EFCAB8: variants seen among roughly 807,000 people sequenced by gnomAD.
EFCAB8 encodes the protein EF-hand calcium-binding domain-containing protein 8.
A neutral mutation model predicts 116.3 loss-of-function variants in EFCAB8; 100 were observed. The observed-to-expected ratio is 0.86, with a 90% confidence interval of 0.73 to 1.02. The LOEUF (loss-of-function observed/expected upper bound fraction) is 1.02, where lower values mean the gene tolerates loss of function less well. Among genes scored for constraint, EFCAB8 ranks in the 50% least tolerant of loss-of-function variants. The probability of loss-of-function intolerance (pLI) is 0.00; values close to 1 mark genes in which losing one functional copy is unlikely to be tolerated. For missense variants in EFCAB8, 1,320 were observed against 1,416.9 expected, an observed-to-expected ratio of 0.93 and a Z score of 1.10; for synonymous variants, 558 against 567.9, an observed-to-expected ratio of 0.98 and a Z score of 0.25.
At chr20:32,901,652 G>A (rs980145353) in intron 11 of EFCAB8, among the ~76,000 whole-genome samples, 26 of 152,214 alleles carry the variant, frequency 1.7e-4, no homozygotes, top group Non-Finnish European at 8.8e-5. Flanking sequence ...GCACAGCTCC[G>A]CTGTCTGTGG....
chr20:32,862,049 T>G (rs1184692092), intron 1 of EFCAB8, among the ~76,000 whole-genome samples: 1 of 152,120 alleles, frequency 6.6e-6, no homozygotes, highest in Admixed American at 6.5e-5. Context: ...CTTGTGTGTT[T>G]CTCCCTCTTT....
chr20:32,959,322 T>A (rs561397801), intron 24 of EFCAB8, among the ~76,000 whole-genome samples: 27 of 151,892 alleles, frequency 1.8e-4, no homozygotes, highest in African/African-American at 6.5e-4. Flanking sequence ...GTAGGAGAGG[T>A]GATTTTGGAG....
At chr20:32,889,227 G>C in intron 6 of EFCAB8, 74 bp from the exon 7 acceptor site, 1 of 1,328,972 alleles carries the variant, frequency 7.5e-7, no homozygotes, top group Non-Finnish European at 1.1e-6. Flanking sequence ...TTGTGTGGCA[G>C]GAGAGGTTCA....
intron 23 of EFCAB8, among the ~76,000 whole-genome samples, chr20:32,947,486 G>A (rs1301257109): frequency 6.6e-6 from 1 of 152,134 alleles, no homozygotes; most frequent in Non-Finnish European, 1.5e-5. Flanking sequence ...AAGGATTTAT[G>A]CCATACAAAG....
At chr20:32,959,690 A>G (rs754024950) in intron 24 of EFCAB8, 88 bp from the exon 25 acceptor site, 2 of 972,642 alleles carry the variant, frequency 2.1e-6, no homozygotes, top group Non-Finnish European at 3.0e-6. Context: ...GGATCAGGCC[A>G]GGAAGGGGAG....
At chr20:32,919,941 G>T in intron 19 of EFCAB8, 137 bp from the exon 20 acceptor site, 1 of 1,138,126 alleles carries the variant, frequency 8.8e-7, no homozygotes, top group South Asian at 1.5e-5. Flanking sequence ...TCCACTGAGC[G>T]CTGCTTTTCC....
intron 9 of EFCAB8, among the ~76,000 whole-genome samples, chr20:32,895,606 C>T (rs1351207958): frequency 1.4e-5 from 2 of 142,670 alleles, no homozygotes; most frequent in African/African-American, 2.6e-5. Flanking sequence ...GAGTCTTGCT[C>T]TATTGCCCAG....
intron 5 of EFCAB8, among the ~76,000 whole-genome samples, chr20:32,883,081 T>C (rs746415220): frequency 1.1e-3 from 161 of 152,320 alleles, no homozygotes; most frequent in Middle Eastern, 3.4e-3. Context: ...TCCACCTGCC[T>C]TGGCCTCCCA....
In EFCAB8 at chr20:32,909,873, A is replaced by G; in HGVS notation, c.1499A>G (p.Lys500Arg). Reference sequence around the variant, plus strand: ...GCCCAGGGGCTTATCAAAGCAAGGAAGAGGACCACTCATTGCTCACCCCTG... The same window carrying G: ...GCCCAGGGGCTTATCAAAGCAAGGAGGAGGACCACTCATTGCTCACCCCTG... ...LEAQGLIKARKRTTHCSPLCA... is the reference protein window; with the variant it reads ...LEAQGLIKARRRTTHCSPLCA... The change falls in exon 15 of 27, where the codon AAG (lysine) becomes AGG (arginine). Residue 500 changes from lysine (K) to arginine (R), a missense_variant. Transcript: ENST00000400522. 8.0e-7 allele frequency: 1 copy of G among 1,249,938 alleles called. No individual in the cohort carries two copies. The allele number at this position is 1,249,938 out of a possible 1,614,324, so 77.4% of individuals were successfully genotyped here. A position where few individuals can be genotyped will look rare whatever the true frequency, so the allele number is the denominator to read the frequency against.
At chr20:32,861,109 A>T (rs936922451) in intron 1 of EFCAB8, among the ~76,000 whole-genome samples, 2 of 152,000 alleles carry the variant, frequency 1.3e-5, no homozygotes, top group African/African-American at 2.4e-5. Context: ...CATCCTTCTG[A>T]TGTTTGGGTG....
chr20:32,906,808 G>A lies in EFCAB8; in HGVS notation c.1157-35G>A, dbSNP rs1476866005. The stretch of plus-strand genomic sequence containing the variant: ...CCAGTGGGTGAAGGTCCCCAGTGGA[G>A]GCCCCTGGGACTGACACCCACGTCT... On this transcript the variant is annotated intron_variant, in intron 12 of 26. Coordinates refer to ENST00000400522, the MANE Select transcript of EFCAB8 (RefSeq NM_001143967.2). The A allele has an allele frequency of 2.8e-6, 3 of 1,053,614 alleles. No individual in the cohort carries two copies. The East Asian group carries it at 7.8e-5, about 27-fold the overall frequency. 65.3% of individuals were successfully genotyped at this position (1,053,614 alleles called of 1,614,324 possible). A position where few individuals can be genotyped will look rare whatever the true frequency, so the allele number is the denominator to read the frequency against.
At chr20:32,902,933 C>T (rs576307980) in intron 11 of EFCAB8, among the ~76,000 whole-genome samples, 9 of 152,316 alleles carry the variant, frequency 5.9e-5, no homozygotes, top group South Asian at 2.1e-4. Flanking sequence ...GGCGTCTCCC[C>T]GACTGTCCCC....
chr20:32,878,700 G>A lies in EFCAB8; in HGVS notation c.328-4G>A, dbSNP rs1985139875. 1.3e-6 allele frequency: 2 copies of A among 1,551,338 alleles called. No homozygotes were observed. Among genetic ancestry groups the A allele is most frequent in the Non-Finnish European group, 1.7e-6 (2 of 1,146,658 alleles). On this transcript the variant is annotated splice_region_variant and splice_polypyrimidine_tract_variant and intron_variant, in intron 4 of 26. Coordinates refer to ENST00000400522, the MANE Select transcript of EFCAB8 (RefSeq NM_001143967.2). ...TGCCTCCCTTGTGCTTTCTTTCGAG[G>A]CAGCAAAAGTATGTGGATTACATGA...
chr20:32,907,039 A>G (rs1986713208), intron 13 of EFCAB8, 45 bp downstream of exon 13: 4 of 1,472,250 alleles, frequency 2.7e-6, no homozygotes, highest in Non-Finnish European at 3.6e-6. Flanking sequence ...CCTCAGGGAA[A>G]CACACTGGCC....
Position 32,882,346 on chromosome 20 carries a change from C to T in EFCAB8, c.432-3159C>T, listed in dbSNP as rs1221023070. On this transcript the variant is annotated intron_variant, in intron 5 of 26. Transcript: ENST00000400522. The stretch of plus-strand genomic sequence containing the variant: ...GTAAACCCAGCATTTCCTCGTTGGT[C>T]ACTTGATAGCTGTTCACGGCACACT... Among the ~76,000 whole-genome samples the T allele has an allele frequency of 2.0e-5, 3 of 152,314 alleles. No homozygotes were observed. The East Asian group carries it at 5.8e-4, about 29-fold the overall frequency.
intron 20 of EFCAB8, among the ~76,000 whole-genome samples, chr20:32,920,687 C>T (rs1217692779): frequency 1.3e-5 from 2 of 152,156 alleles, no homozygotes; most frequent in African/African-American, 4.8e-5. Context: ...CTCTTGGTCC[C>T]TCCCACAACA....
At chr20:32,947,906 A>G (rs1031811704) in intron 23 of EFCAB8, among the ~76,000 whole-genome samples, 4 of 150,320 alleles carry the variant, frequency 2.7e-5, no homozygotes, top group Middle Eastern at 3.5e-3. Flanking sequence ...TCTCAATTAA[A>G]AAAAAAAAAA....
At chr20:32,935,171 CT>C (rs1467755314) in intron 22 of EFCAB8, among the ~76,000 whole-genome samples, 2 of 87,706 alleles carry the variant, frequency 2.3e-5, no homozygotes. Context: ...CTTCTCTTCT[CT>C]TTTCTTTCTT....
chr20:32,943,137 C>T (rs538607252), intron 22 of EFCAB8, among the ~76,000 whole-genome samples: 1 of 152,322 alleles, frequency 6.6e-6, no homozygotes, highest in Admixed American at 6.5e-5. Flanking sequence ...TCACCCTATT[C>T]ATCTCCCAAT....
Sources: gnomAD v4.1 joint callset for allele counts (sites outside exome capture counted in the v4.1 genomes callset) on GRCh38, gnomAD v4.1.1 for gene constraint, MANE v1.5 for transcripts, NCBI Gene and HGNC (gene_info 2026-07-23, HGNC 2026-07-21) for gene names.